The following CSMD3 variants were observed in gnomAD, a reference collection of about 807,000 sequenced individuals.
CSMD3 encodes the protein CUB and Sushi multiple domains 3.
In CSMD3, 177 loss-of-function variants were observed where a neutral mutation model predicts 435.2. That is an observed-to-expected ratio of 0.41 (90% CI 0.36 to 0.46). CSMD3 has a LOEUF of 0.46. Among genes scored for constraint, CSMD3 ranks in the 20% least tolerant of loss-of-function variants. The probability of loss-of-function intolerance (pLI) is 0.34; values close to 1 mark genes in which losing one functional copy is unlikely to be tolerated. For missense variants in CSMD3, 4,265 were observed against 4,504.6 expected (o/e 0.95, Z 1.52); for synonymous variants, 1,656 against 1,520.5 (o/e 1.09, Z -2.07).
Position 113,098,757 on chromosome 8 carries a change from A to T in CSMD3, c.916T>A (p.Trp306Arg), listed in dbSNP as rs2090241481. The T allele has an allele frequency of 6.3e-7, 1 of 1,595,270 alleles. No homozygotes were observed. Among genetic ancestry groups the T allele is most frequent in the Non-Finnish European group, 8.6e-7 (1 of 1,163,274 alleles). ...EIEGSEPPTI[W>R]LSGMNIPPPI... ...GGTTAATAGAAGCTATTTACTTACCATATGGTAGGTGGCTCAGAACCTTCT... is the reference window on the plus strand; with the variant it reads ...GGTTAATAGAAGCTATTTACTTACCTTATGGTAGGTGGCTCAGAACCTTCT... The change falls in exon 5 of 71, where the codon TGG (tryptophan) becomes AGG (arginine). Residue 306 changes from tryptophan to arginine, a missense_variant and splice_region_variant. Physicochemically the swap from Trp to Arg is moderately radical, Grantham distance 101 (BLOSUM62 -3). Coordinates refer to ENST00000297405, the MANE Select transcript of CSMD3 (RefSeq NM_198123.2).
intron 24 of CSMD3, among the ~76,000 whole-genome samples, chr8:112,567,495 G>A (rs775900655): frequency 2.6e-5 from 4 of 151,996 alleles, no homozygotes; most frequent in East Asian, 3.9e-4. Flanking sequence ...ATTCCACTGG[G>A]AAAAGACAAA....
At chr8:113,432,597 C>T (rs1171854028) in intron 1 of CSMD3, among the ~76,000 whole-genome samples, 1 of 152,226 alleles carries the variant, frequency 6.6e-6, no homozygotes, top group Non-Finnish European at 1.5e-5. Context: ...GCTGGCCTTT[C>T]CGTCGTCGTT....
chr8:112,421,400 T>C (rs1025423895), intron 32 of CSMD3, among the ~76,000 whole-genome samples: 45 of 151,444 alleles, frequency 3.0e-4, no homozygotes, highest in Admixed American at 1.6e-3. Flanking sequence ...AAAAATTAGG[T>C]AAGAGTGGTG....
intron 13 of CSMD3, among the ~76,000 whole-genome samples, chr8:112,700,252 G>A (rs1335993590): frequency 2.0e-5 from 3 of 152,156 alleles, no homozygotes; most frequent in Non-Finnish European, 4.4e-5. Flanking sequence ...TGTAATCCCA[G>A]CACTTTGGGA....
rs192686853 is a variant in CSMD3, at chr8:112,842,343, T to A, written c.1756-12554A>T. On this transcript the variant is annotated intron_variant, in intron 11 of 70. Coordinates refer to ENST00000297405, the MANE Select transcript of CSMD3 (RefSeq NM_198123.2). ...AGAAGCATCTGCTGATGGTTTCCGG[T>A]GACTAATATCAGCAGGGAGTCTCCA... Among the ~76,000 whole-genome samples, 50 of 151,968 alleles carry A rather than the reference T, an allele frequency of 3.3e-4. No homozygotes were observed. The East Asian group carries it at 8.9e-3, about 27-fold the overall frequency.
At chr8:112,536,226 T>C (rs1586627505) in intron 27 of CSMD3, among the ~76,000 whole-genome samples, 1 of 150,144 alleles carries the variant, frequency 6.7e-6, no homozygotes, top group East Asian at 2.0e-4. Flanking sequence ...ACCATCAGAG[T>C]GAACAGGCAA....
At chr8:113,285,570 C>T (rs2093641165) in intron 2 of CSMD3, among the ~76,000 whole-genome samples, 1 of 152,056 alleles carries the variant, frequency 6.6e-6, no homozygotes, top group Admixed American at 6.6e-5. Flanking sequence ...GTTGGTGACA[C>T]CTTTATAGCG....
intron 18 of CSMD3, among the ~76,000 whole-genome samples, chr8:112,653,190 A>G (rs2075171753): frequency 6.6e-6 from 1 of 152,232 alleles, no homozygotes. Context: ...ATCAAATGAC[A>G]TTAACATGTT....
chr8:113,269,619 C>T (rs2093502705), intron 3 of CSMD3, among the ~76,000 whole-genome samples: 1 of 151,948 alleles, frequency 6.6e-6, no homozygotes, highest in South Asian at 2.1e-4. Flanking sequence ...GAAATATAGA[C>T]CAATGGAACA....
chr8:113,219,010 G>T (rs1416266698), intron 3 of CSMD3, among the ~76,000 whole-genome samples: 1 of 151,286 alleles, frequency 6.6e-6, no homozygotes, highest in Non-Finnish European at 1.5e-5. Flanking sequence ...GCTCAAAGAT[G>T]ATTTGACAAA....
intron 17 of CSMD3, among the ~76,000 whole-genome samples, chr8:112,659,884 T>C (rs1010923344): frequency 1.3e-5 from 2 of 152,158 alleles, no homozygotes; most frequent in African/African-American, 4.8e-5. Context: ...GAATAATATA[T>C]TGGTAAATAA....
chr8:112,514,935 A>G (rs1313604329), intron 28 of CSMD3, among the ~76,000 whole-genome samples: 1 of 151,956 alleles, frequency 6.6e-6, no homozygotes, highest in Non-Finnish European at 1.5e-5. Context: ...GAGAAGCTCT[A>G]ATTTATATCT....
intron 5 of CSMD3, among the ~76,000 whole-genome samples, chr8:113,092,273 G>T (rs770512511): frequency 6.6e-6 from 1 of 151,848 alleles, no homozygotes; most frequent in East Asian, 1.9e-4. Context: ...TTCTACTACT[G>T]TATCTATCTG....
At chr8:113,428,292 C>A (rs2094649216) in intron 1 of CSMD3, among the ~76,000 whole-genome samples, 1 of 151,406 alleles carries the variant, frequency 6.6e-6, no homozygotes, top group Non-Finnish European at 1.5e-5. Flanking sequence ...TGATCTTAAG[C>A]TTTCTTCTAA....
chr8:112,671,222 G>C (rs2075648119), intron 16 of CSMD3, among the ~76,000 whole-genome samples: 1 of 151,968 alleles, frequency 6.6e-6, no homozygotes, highest in African/African-American at 2.4e-5. Flanking sequence ...CCCTTTCCTA[G>C]AGCATTTAGT....
chr8:112,992,589 T>C (rs982704482), intron 6 of CSMD3, among the ~76,000 whole-genome samples: 2 of 151,784 alleles, frequency 1.3e-5, no homozygotes, highest in Admixed American at 1.3e-4. Flanking sequence ...ATGTAAAGGA[T>C]CTAAGGAAGA....
At chr8:112,754,594 A>T (rs894976824) in intron 13 of CSMD3, among the ~76,000 whole-genome samples, 1 of 152,198 alleles carries the variant, frequency 6.6e-6, no homozygotes, top group African/African-American at 2.4e-5. Flanking sequence ...ACCAGAAAAG[A>T]GCAGGAAACG....
At chr8:112,660,931 A>C (rs898979557) in intron 17 of CSMD3, among the ~76,000 whole-genome samples, 2 of 152,180 alleles carry the variant, frequency 1.3e-5, no homozygotes, top group Non-Finnish European at 2.9e-5. Flanking sequence ...GGATTAAGAA[A>C]TGAGGCACGG....
At position 112,318,919 on chromosome 8, in the gene CSMD3, T is replaced by C; in HGVS notation, c.7278A>G (p.Gly2426=). 1 of 1,611,794 alleles carries C rather than the reference T, an allele frequency of 6.2e-7. No individual in the cohort carries two copies. The part of the protein sequence containing the change: ...GDIIRYQCLP[G]FTLVGNAILT... ...GAATTGCATTACCAACTAAAGTAAA[T>C]CCTGGAAGACACTGATACCTAATAA... The change falls in exon 47 of 71, where the codon GGA becomes GGG. Residue 2426 remains glycine, a synonymous_variant. Coordinates refer to ENST00000297405, the MANE Select transcript of CSMD3 (RefSeq NM_198123.2).
Sources: gnomAD v4.1 joint callset for allele counts (sites outside exome capture counted in the v4.1 genomes callset) on GRCh38, gnomAD v4.1.1 for gene constraint, MANE v1.5 for transcripts, NCBI Gene and HGNC (gene_info 2026-07-23, HGNC 2026-07-21) for gene names.